The following SLCO1A2 variants were observed in gnomAD, a reference collection of about 807,000 sequenced individuals.
SLCO1A2 encodes OATP-1.
A neutral mutation model predicts 69.0 loss-of-function variants in SLCO1A2; 67 were observed. The observed-to-expected ratio is 0.97, with a 90% CI of 0.80 to 1.19. The LOEUF (loss-of-function observed/expected upper bound fraction) is 1.19. Among genes scored for constraint, SLCO1A2 ranks in the 50% most tolerant of loss-of-function variants. The pLI, the probability that SLCO1A2 is intolerant of heterozygous loss-of-function variation, is 0.00. For synonymous variants in SLCO1A2, 260 were observed against 265.9 expected (o/e 0.98, Z 0.22); for missense variants, 787 against 793.7 (o/e 0.99, Z 0.10).
rs543235000 is a variant in SLCO1A2, at chr12:21,358,934, A to G, written c.-63+15465T>C. Among the ~76,000 whole-genome samples, 3 of 152,300 alleles carry G rather than the reference A, an allele frequency of 2.0e-5. No individual in the cohort carries two copies. The South Asian group carries it at 6.2e-4, about 32-fold the overall frequency. On this transcript the variant is annotated intron_variant, in intron 2 of 15. Coordinates refer to the SLCO1A2 transcript ENST00000307378. Reference sequence around the variant, plus strand: ...AAAAGAACACATGAGAGAGGAAACAATAACAGGCTGAAGATATTCACATAT... The same window carrying G: ...AAAAGAACACATGAGAGAGGAAACAGTAACAGGCTGAAGATATTCACATAT...
At chr12:21,330,445 G>A (rs781746805) in intron 2 of SLCO1A2, among the ~76,000 whole-genome samples, 12 of 152,006 alleles carry the variant, frequency 7.9e-5, no homozygotes, top group Admixed American at 2.0e-4. Context: ...GGAGGTTGAG[G>A]GTGCAGTGAA....
chr12:21,406,786 G>A (rs1269631109), intron 1 of SLCO1A2, among the ~76,000 whole-genome samples: 1 of 152,144 alleles, frequency 6.6e-6, no homozygotes. Flanking sequence ...GTTGATATTA[G>A]GTTAGCAAAT....
intron 2 of SLCO1A2, among the ~76,000 whole-genome samples, chr12:21,368,886 C>G (rs1436055471): frequency 6.6e-6 from 1 of 152,008 alleles, no homozygotes; most frequent in African/African-American, 2.4e-5. Context: ...GAATCTTCTT[C>G]TTCTAATATG....
Position 21,293,956 on chromosome 12 carries a change from C to T in SLCO1A2, c.1426G>A (p.Gly476Arg). 1 of 1,607,438 alleles carries T rather than the reference C, an allele frequency of 6.2e-7. No homozygotes were observed. ...ATAGGATGTCTTACCATGTTTATTC[C>T]CGTTCCAATGGATGTCTCACAACCA... is the stretch of plus-strand genomic sequence containing the variant. ...LAGCETSIGT[G>R]INMVFQNCSC... Residue 476 changes from glycine to arginine, a missense_variant, in exon 11 of 15, where the codon GGA becomes AGA. Transcript: ENST00000683939.
At chr12:21,334,758 G>A (rs1952822447) in intron 1 of SLCO1A2, 49 bp from the exon 2 acceptor site, 9 of 828,758 alleles carry the variant, frequency 1.1e-5, no homozygotes, top group Non-Finnish European at 1.7e-5. Context: ...AAATTGTAAA[G>A]CATCATTCTT....
intron 1 of SLCO1A2, among the ~76,000 whole-genome samples, chr12:21,385,220 C>T (rs61927810): frequency 0.014 from 2,190 of 152,264 alleles, 40 homozygotes; most frequent in Middle Eastern, 0.034. Flanking sequence ...ACAGCTATAA[C>T]TGTTATAAAA....
intron 12 of SLCO1A2, among the ~76,000 whole-genome samples, chr12:21,283,182 T>A (rs1945120795): frequency 6.6e-6 from 1 of 152,022 alleles, no homozygotes; most frequent in African/African-American, 2.4e-5. Flanking sequence ...CACAGACCTA[T>A]AGTAACCAAA....
At chr12:21,396,203 G>A (rs1941451096), upstream of SLCO1A2, among the ~76,000 whole-genome samples, 1 of 149,966 alleles carries the variant, frequency 6.7e-6, no homozygotes, top group Non-Finnish European at 1.5e-5. Context: ...GAAAACCAAG[G>A]CTCGAGAACT....
At chr12:21,400,723 T>G (rs1941664119) in intron 1 of SLCO1A2, among the ~76,000 whole-genome samples, 1 of 148,842 alleles carries the variant, frequency 6.7e-6, no homozygotes, top group Non-Finnish European at 1.5e-5. Flanking sequence ...TCATGTCCTT[T>G]GTAGGGACAT....
In SLCO1A2 at chr12:21,268,043, T is replaced by C. The variant is rs1287725627; in HGVS notation, c.*1505A>G. On this transcript the variant is annotated 3_prime_UTR_variant, in exon 15 of 15. Coordinates refer to ENST00000683939, the MANE Select transcript of SLCO1A2 (RefSeq NM_001386879.1). ...GAAACTGAAACTTAACTTTTCATCC[T>C]TCCCCCTAAACCTGTTCTATACAGC... The C allele has an allele frequency of 6.6e-6, 1 of 152,080 alleles. No homozygotes were observed. The highest frequency in any genetic ancestry group is 2.1e-4 in the South Asian group (1 of 4,832). The allele number at this position is 152,080 out of a possible 1,614,324, so 9.4% of individuals were successfully genotyped here. A position where few individuals can be genotyped will look rare whatever the true frequency, so the allele number is the denominator to read the frequency against.
intron 12 of SLCO1A2, among the ~76,000 whole-genome samples, chr12:21,290,164 CT>C (rs1188478717): frequency 6.6e-6 from 1 of 151,542 alleles, no homozygotes; most frequent in African/African-American, 2.4e-5. Flanking sequence ...GGCACATCAC[CT>C]TTATGAAAAA....
intron 1 of SLCO1A2, among the ~76,000 whole-genome samples, chr12:21,402,650 AT>A (rs941466052): frequency 2.4e-4 from 36 of 152,182 alleles, no homozygotes; most frequent in African/African-American, 8.7e-4. Flanking sequence ...ACTAACCATG[AT>A]TTAGATATAC....
chr12:21,398,681 T>C (rs1244613104), upstream of SLCO1A2, among the ~76,000 whole-genome samples: 1 of 151,562 alleles, frequency 6.6e-6, no homozygotes, highest in Non-Finnish European at 1.5e-5. Context: ...TCCACCATGA[T>C]CAAGTGGGCT....
intron 4 of SLCO1A2, among the ~76,000 whole-genome samples, chr12:21,312,077 AGAGGAG>A (rs138485588): frequency 2.6e-5 from 4 of 150,946 alleles, no homozygotes; most frequent in Non-Finnish European, 5.9e-5. Context: ...AGGAAGAAGA[AGAGGAG>A]GAGGAGGAAG....
chr12:21,409,718 C>T (rs1218126838), intron 1 of SLCO1A2, among the ~76,000 whole-genome samples: 1 of 152,096 alleles, frequency 6.6e-6, no homozygotes, highest in Non-Finnish European at 1.5e-5. Context: ...ACACATCTAC[C>T]ATTCTTGTCT....
intron 8 of SLCO1A2, 109 bp from the exon 9 acceptor site, chr12:21,297,677 G>A: frequency 2.8e-6 from 2 of 710,734 alleles, no homozygotes. Context: ...TTACTATTTT[G>A]TAATATGTAT....
rs1056623716 is a variant in SLCO1A2 at position 21,416,751 on chromosome 12, C to T, written c.-312+1131G>A. ...ACATTTTTATTTGGCTGAGCATCCTCATCACAAATGAAGGAGTCAACCAAG... is the reference window on the plus strand; with the variant it reads ...ACATTTTTATTTGGCTGAGCATCCTTATCACAAATGAAGGAGTCAACCAAG... On this transcript the variant is annotated intron_variant, in intron 1 of 4. Coordinates refer to the SLCO1A2 transcript ENST00000413682. 1.6e-4 allele frequency among the ~76,000 whole-genome samples: 24 copies of T among 151,946 alleles called. 1 individual carries two copies. The highest frequency in any genetic ancestry group is 5.8e-4 in the African/African-American group (24 of 41,350).
chr12:21,361,274 G>C (rs184569621), intron 2 of SLCO1A2, among the ~76,000 whole-genome samples: 30 of 152,274 alleles, frequency 2.0e-4, no homozygotes, highest in African/African-American at 7.0e-4. Flanking sequence ...AGGCAAACAG[G>C]GTCTGGAGTG....
At chr12:21,398,299 A>G (rs762559088), upstream of SLCO1A2, among the ~76,000 whole-genome samples, 3,104 of 150,910 alleles carry the variant, frequency 0.021, 36 homozygotes, top group Non-Finnish European at 0.03. Context: ...TCCTGGACAC[A>G]TACACTCTCC....
Sources: gnomAD v4.1 joint callset for allele counts (sites outside exome capture counted in the v4.1 genomes callset) on GRCh38, gnomAD v4.1.1 for gene constraint, MANE v1.5 for transcripts, NCBI Gene and HGNC (gene_info 2026-07-23, HGNC 2026-07-21) for gene names.